Variants in SMYD2 observed in about 807,000 individuals in gnomAD.
SMYD2 encodes the protein SET and MYND domain containing 2, also known as N-lysine methyltransferase SMYD2.
SMYD2 carries 53 observed loss-of-function variants against 59.1 expected under a neutral mutation model. The observed-to-expected ratio is 0.90, with a 90% CI of 0.72 to 1.13. The LOEUF (loss-of-function observed/expected upper bound fraction) is 1.13. Ranked by LOEUF, SMYD2 falls within the 50% of genes most tolerant of loss-of-function variation. The pLI is 0.00. For missense variants in SMYD2, 494 were observed against 544.7 expected (o/e 0.91, Z 0.93); for synonymous variants, 208 against 198.8 (o/e 1.05, Z -0.39).
chr1:214,321,585 C>T (rs1057285629), intron 5 of SMYD2, among the ~76,000 whole-genome samples: 1 of 152,152 alleles, frequency 6.6e-6, no homozygotes, highest in African/African-American at 2.4e-5. Context: ...CCATGGGAGG[C>T]TGTTGTGGGT....
intron 2 of SMYD2, among the ~76,000 whole-genome samples, chr1:214,310,700 G>A (rs975280306): frequency 7.9e-5 from 12 of 151,966 alleles, no homozygotes; most frequent in Non-Finnish European, 1.0e-4. Flanking sequence ...TCAAAAATAC[G>A]GTAATTTATA....
chr1:214,281,301 GC>G lies in SMYD2; in HGVS notation c.48del (p.Gly18AlafsTer89). ...LGGLERFCSP[G>X]KGRGLRALQP... Reference sequence around the variant, plus strand: ...GGCCTGGAGCGCTTCTGCAGCCCGGGCAAAGGCCGGGGGCTGCGGGCTCTGC... The same window carrying G: ...GGCCTGGAGCGCTTCTGCAGCCCGGGAAAGGCCGGGGGCTGCGGGCTCTGC... On this transcript the variant is annotated frameshift_variant, in exon 1 of 12. Coordinates refer to ENST00000366957, the MANE Select transcript of SMYD2 (RefSeq NM_020197.3). LOFTEE classifies it high-confidence loss of function. 7.3e-7 allele frequency: 1 copy of G among 1,363,502 alleles called. No homozygotes were observed. The highest frequency in any genetic ancestry group is 1.5e-5 in the African/African-American group (1 of 66,228). The allele number at this position is 1,363,502 out of a possible 1,614,324, so 84.5% of individuals were successfully genotyped here. A position where few individuals can be genotyped will look rare whatever the true frequency, so the allele number is the denominator to read the frequency against.
intron 2 of SMYD2, among the ~76,000 whole-genome samples, chr1:214,310,046 T>C (rs1286036774): frequency 6.6e-6 from 1 of 152,186 alleles, no homozygotes; most frequent in Admixed American, 6.5e-5. Flanking sequence ...GTTAGAAGAA[T>C]AGAAACACCA....
intron 1 of SMYD2, among the ~76,000 whole-genome samples, chr1:214,294,391 G>A (rs1426281600): frequency 6.6e-6 from 1 of 152,230 alleles, no homozygotes; most frequent in African/African-American, 2.4e-5. Context: ...TTCCAGGCCA[G>A]GCGCGGTGGC....
At chr1:214,323,486 C>T (rs1469926234) in intron 5 of SMYD2, among the ~76,000 whole-genome samples, 1 of 152,078 alleles carries the variant, frequency 6.6e-6, no homozygotes, top group African/African-American at 2.4e-5. Flanking sequence ...GGCTGGAGTG[C>T]AGTGGTGTAA....
chr1:214,313,692 A>C (rs781232432), intron 2 of SMYD2, among the ~76,000 whole-genome samples: 1 of 151,942 alleles, frequency 6.6e-6, no homozygotes, highest in African/African-American at 2.4e-5. Flanking sequence ...CACTAAGCCT[A>C]TCTCCAGCAC....
At chr1:214,321,025 A>G (rs906266528) in intron 5 of SMYD2, among the ~76,000 whole-genome samples, 2 of 152,188 alleles carry the variant, frequency 1.3e-5, no homozygotes, top group African/African-American at 2.4e-5. Flanking sequence ...TAAAGTATCT[A>G]CTTTTCTGGC....
chr1:214,293,103 A>G (rs12073421), intron 1 of SMYD2, among the ~76,000 whole-genome samples: 1 of 150,606 alleles, frequency 6.6e-6, no homozygotes, highest in Admixed American at 6.6e-5. Flanking sequence ...CCCAGGCTGG[A>G]GTGCAATAGC....
At position 214,336,315 on chromosome 1, in the gene SMYD2, G is replaced by T. The variant is rs371000177; in HGVS notation, c.1222-389G>T. On this transcript the variant is annotated intron_variant, in intron 11 of 11. Transcript: ENST00000366957. ...TGAGAGGCCAAGGCGGGCGGATCAC[G>T]AGGTCAGGAGATCGAGACCATCCTG... Among the ~76,000 whole-genome samples the T allele has an allele frequency of 1.6e-3, 251 of 152,228 alleles. 11 individuals carry two copies. In the South Asian group the frequency reaches 0.048, roughly 29 times the overall value.
rs948847980 is a variant in SMYD2, at chr1:214,307,848, A to G, written c.237+2598A>G. On this transcript the variant is annotated intron_variant, in intron 2 of 11. Coordinates refer to ENST00000366957, the MANE Select transcript of SMYD2 (RefSeq NM_020197.3). ...CACATTAACCAATATCCCAACCTGT[A>G]TGTGCCACAATGCCAGTTTATTACT... is the stretch of plus-strand genomic sequence containing the variant. Among the ~76,000 whole-genome samples, 24 of 152,330 alleles carry G rather than the reference A, an allele frequency of 1.6e-4. 1 individual carries two copies. Among genetic ancestry groups the G allele is most frequent in the Middle Eastern group, 3.4e-3 (1 of 294 alleles).
chr1:214,320,430 GA>G (rs1657155220), intron 5 of SMYD2, among the ~76,000 whole-genome samples: 1 of 152,010 alleles, frequency 6.6e-6, no homozygotes, highest in Non-Finnish European at 1.5e-5. Flanking sequence ...CTAAGAAGGA[GA>G]AAAAGGCAAA....
intron 3 of SMYD2, among the ~76,000 whole-genome samples, chr1:214,315,342 C>G (rs1392227783): frequency 6.6e-6 from 1 of 151,894 alleles, no homozygotes; most frequent in East Asian, 1.9e-4. Context: ...TTGGATGGAA[C>G]AGCCTTGACT....
intron 3 of SMYD2, among the ~76,000 whole-genome samples, chr1:214,315,947 G>C (rs888207617): frequency 1.3e-5 from 2 of 152,200 alleles, no homozygotes; most frequent in African/African-American, 4.8e-5. Flanking sequence ...CGTACTGACT[G>C]TTCTCCGCCT....
chr1:214,332,303 C>A, intron 10 of SMYD2, 111 bp downstream of exon 10: 1 of 1,265,944 alleles, frequency 7.9e-7, no homozygotes, highest in Non-Finnish European at 1.1e-6. Flanking sequence ...GCGCAGCTGC[C>A]TCTTCTCTGC....
chr1:214,303,771 A>G (rs569905231), intron 1 of SMYD2, among the ~76,000 whole-genome samples: 44 of 152,328 alleles, frequency 2.9e-4, no homozygotes, highest in Non-Finnish European at 5.9e-4. Context: ...TCCGTATTAT[A>G]AGATGTCAGC....
At chr1:214,305,831 TAAG>T (rs1011354172) in intron 2 of SMYD2, among the ~76,000 whole-genome samples, 1 of 152,132 alleles carries the variant, frequency 6.6e-6, no homozygotes, top group Non-Finnish European at 1.5e-5. Context: ...GGAAGGTTAA[TAAG>T]GAGGATGTTG....
At chr1:214,288,938 CTT>C (rs10660642) in intron 1 of SMYD2, among the ~76,000 whole-genome samples, 2 of 136,702 alleles carry the variant, frequency 1.5e-5, no homozygotes, top group Non-Finnish European at 3.1e-5. Flanking sequence ...AGCCCATAGT[CTT>C]TTTTTTTTTT....
intron 1 of SMYD2, among the ~76,000 whole-genome samples, chr1:214,301,651 T>C (rs1318213051): frequency 1.3e-5 from 2 of 151,998 alleles, no homozygotes; most frequent in Non-Finnish European, 2.9e-5. Context: ...AATTTTATCA[T>C]TGGCAACAAG....
At chr1:214,329,016 C>T (rs1478099717) in intron 7 of SMYD2, among the ~76,000 whole-genome samples, 3 of 152,188 alleles carry the variant, frequency 2.0e-5, no homozygotes, top group Non-Finnish European at 4.4e-5. Context: ...TCGCCATCTT[C>T]TGGAAGCTTC....
Sources: gnomAD v4.1 joint callset for allele counts (sites outside exome capture counted in the v4.1 genomes callset) on GRCh38, gnomAD v4.1.1 for gene constraint, MANE v1.5 for transcripts, NCBI Gene and HGNC (gene_info 2026-07-23, HGNC 2026-07-21) for gene names.